ZFP90: variants seen among roughly 807,000 people sequenced by gnomAD.
ZFP90 encodes the protein zinc finger protein 90 homolog.
In ZFP90, 38 loss-of-function variants were observed where a neutral mutation model predicts 60.8. The observed-to-expected ratio is 0.62, with a 90% CI of 0.48 to 0.82. The LOEUF is 0.82. ZFP90 is among the 40% of genes least tolerant of loss of function. The probability of loss-of-function intolerance (pLI) is 0.00; values close to 1 mark genes in which losing one functional copy is unlikely to be tolerated. For missense variants in ZFP90, 711 were observed against 759.1 expected (o/e 0.94, Z 0.74); for synonymous variants, 287 against 264.8 (o/e 1.08, Z -0.82).
At chr16:68,534,686 A>G (rs1447849922), upstream of ZFP90, among the ~76,000 whole-genome samples, 1 of 151,338 alleles carries the variant, frequency 6.6e-6, no homozygotes, top group Non-Finnish European at 1.5e-5. Flanking sequence ...TGGGTGGATC[A>G]CGAGGTCAGG....
chr16:68,543,556 G>T (rs2091090629), intron 2 of ZFP90, among the ~76,000 whole-genome samples: 1 of 112,884 alleles, frequency 8.9e-6, no homozygotes, highest in Non-Finnish European at 1.7e-5. Flanking sequence ...ATCCTTATTT[G>T]CCTTTTTTTC....
chr16:68,539,902 C>T (rs2091008859), intron 2 of ZFP90, 77 bp downstream of exon 2: 9 of 1,534,536 alleles, frequency 5.9e-6, no homozygotes, highest in Admixed American at 1.9e-5. Context: ...TTGGAGCAGT[C>T]ATTGTTCTCT....
At position 68,562,786 on chromosome 16, in the gene ZFP90, A is replaced by C. The variant is rs12929568; in HGVS notation, c.257-258A>C. The C allele has an allele frequency of 7.8e-5, 54 of 695,848 alleles. 1 individual carries two copies. The highest frequency in any genetic ancestry group is 7.0e-4 in the African/African-American group (39 of 55,374). The allele number at this position is 695,848 out of a possible 1,614,324, so 43.1% of individuals were successfully genotyped here. A position where few individuals can be genotyped will look rare whatever the true frequency, so the allele number is the denominator to read the frequency against. ...ATCTGTGCCTAACACAGTCCTGCTCACTTATTTCCTTATTTTCTAACCAAC... is the reference window on the plus strand; with the variant it reads ...ATCTGTGCCTAACACAGTCCTGCTCCCTTATTTCCTTATTTTCTAACCAAC... On this transcript the variant is annotated intron_variant, in intron 4 of 4. Transcript: ENST00000563169.
chr16:68,543,381 C>T (rs1421995318), intron 2 of ZFP90, among the ~76,000 whole-genome samples: 1 of 152,138 alleles, frequency 6.6e-6, no homozygotes, highest in East Asian at 1.9e-4. Flanking sequence ...TGAGTGGGAC[C>T]TTTCCCCTGA....
downstream of ZFP90, chr16:68,567,247 C>A: frequency 1.3e-6 from 1 of 774,396 alleles, no homozygotes; most frequent in Non-Finnish European, 1.6e-6. Context: ...TAATAGCTAC[C>A]ATTTATTGAA....
At chr16:68,537,325 T>G (rs1337678430), upstream of ZFP90, among the ~76,000 whole-genome samples, 1 of 151,866 alleles carries the variant, frequency 6.6e-6, no homozygotes, top group East Asian at 1.9e-4. Context: ...GGGGTTTTAC[T>G]ATGTTGGCCA....
intron 2 of ZFP90, among the ~76,000 whole-genome samples, chr16:68,572,862 T>C (rs2091575273): frequency 6.6e-6 from 1 of 152,162 alleles, no homozygotes; most frequent in Non-Finnish European, 1.5e-5. Flanking sequence ...CCCCCAACTG[T>C]CTGGAGATTT....
chr16:68,566,711 G>T lies in ZFP90; in HGVS notation c.*2013G>T. ...TATCTGATACATAGTTTGACAATGG[G>T]TAATTCTACTCAGACCCTCCCTACT... is the stretch of plus-strand genomic sequence containing the variant. On this transcript the variant is annotated 3_prime_UTR_variant, in exon 5 of 5. Transcript: ENST00000563169. The T allele has an allele frequency of 1.0e-6, 1 of 985,548 alleles. No individual in the cohort carries two copies. Among genetic ancestry groups the T allele is most frequent in the Non-Finnish European group, 1.2e-6 (1 of 829,936 alleles). 61.1% of individuals were successfully genotyped at this position (985,548 alleles called of 1,614,324 possible). A position where few individuals can be genotyped will look rare whatever the true frequency, so the allele number is the denominator to read the frequency against.
At chr16:68,553,325 T>G (rs898829205) in intron 2 of ZFP90, among the ~76,000 whole-genome samples, 4 of 151,714 alleles carry the variant, frequency 2.6e-5, no homozygotes, top group Admixed American at 2.6e-4. Flanking sequence ...AGCCAGTGAG[T>G]GGGGAGCCAC....
Position 68,565,781 on chromosome 16 carries a change from G to A in ZFP90, c.*1083G>A. ...TAAATTTTGCCTTGTACTCAGAGAA[G>A]CAACATGCACTGGCTCATTTTATGT... On this transcript the variant is annotated 3_prime_UTR_variant, in exon 5 of 5. Transcript: ENST00000563169. 3.0e-6 allele frequency: 3 copies of A among 985,440 alleles called. No homozygotes were observed. The highest frequency in any genetic ancestry group is 3.6e-6 in the Non-Finnish European group (3 of 829,920). The allele number at this position is 985,440 out of a possible 1,614,324, so 61.0% of individuals were successfully genotyped here.
chr16:68,554,615 C>T (rs534520014), intron 2 of ZFP90, among the ~76,000 whole-genome samples: 134 of 152,290 alleles, frequency 8.8e-4, no homozygotes, highest in Non-Finnish European at 1.6e-3. Context: ...CTGGTTAGCA[C>T]ATTCTTCACC....
chr16:68,535,181 A>G (rs2090951428), upstream of ZFP90, among the ~76,000 whole-genome samples: 1 of 152,220 alleles, frequency 6.6e-6, no homozygotes, highest in South Asian at 2.1e-4. Context: ...GATGCCTGGA[A>G]GCACTGTTAG....
At chr16:68,555,713 G>T (rs1240558661) in intron 2 of ZFP90, among the ~76,000 whole-genome samples, 3 of 152,174 alleles carry the variant, frequency 2.0e-5, no homozygotes, top group Non-Finnish European at 4.4e-5. Flanking sequence ...TAAAGCACAT[G>T]ATAGGGAGGT....
exon 3 of ZFP90, chr16:68,576,037 A>T: frequency 1.7e-5 from 4 of 241,308 alleles, no homozygotes; most frequent in Non-Finnish European, 2.8e-5. Flanking sequence ...GGAAACATTT[A>T]TTTAAAAAAA....
rs1324155870 is a variant in ZFP90, at chr16:68,539,460, C to T, written c.-55C>T. ...CCGGAGGTCGCGAAATCCGGAGCCC[C>T]CCAGAGGCGGTGATTCTGAGTGCGC... On this transcript the variant is annotated 5_prime_UTR_variant, in exon 1 of 5. Coordinates refer to ENST00000563169, the MANE Select transcript of ZFP90 (RefSeq NM_001305203.2). The T allele has an allele frequency of 5.1e-6, 2 of 394,508 alleles. No individual in the cohort carries two copies. Among genetic ancestry groups the T allele is most frequent in the South Asian group, 7.3e-5 (1 of 13,718 alleles). 24.4% of individuals were successfully genotyped at this position (394,508 alleles called of 1,614,324 possible).
chr16:68,548,474 C>CTTTTTTTTTTTTTTT (rs551779570), intron 2 of ZFP90, among the ~76,000 whole-genome samples: 2 of 81,046 alleles, frequency 2.5e-5, no homozygotes, highest in Non-Finnish European at 4.2e-5. Context: ...GTTTATCCTC[C>CTTTTTTTTTTTTTTT]TTTTTTTTTT....
In ZFP90 at chr16:68,563,738, A is replaced by G; in HGVS notation, c.951A>G (p.Lys317=). The G allele has an allele frequency of 6.2e-7, 1 of 1,612,036 alleles. No homozygotes were observed. Among genetic ancestry groups the G allele is most frequent in the Non-Finnish European group, 8.5e-7 (1 of 1,179,212 alleles). Reference sequence around the variant, plus strand: ...CCTATCAGTGTAGTCTCTGTGGGAAAGCCTTCCAGCGCAGCTCCTCCCTTG... The same window carrying G: ...CCTATCAGTGTAGTCTCTGTGGGAAGGCCTTCCAGCGCAGCTCCTCCCTTG... ...EKPYQCSLCG[K]AFQRSSSLVQ... is the part of the protein sequence containing the mutation. Residue 317 remains lysine (K), a synonymous_variant, in exon 5 of 5, where the codon AAA becomes AAG. Transcript: ENST00000563169.
intron 2 of ZFP90, among the ~76,000 whole-genome samples, chr16:68,573,464 C>G (rs2091578133): frequency 6.6e-6 from 1 of 152,190 alleles, no homozygotes; most frequent in Non-Finnish European, 1.5e-5. Context: ...GGTGACACAG[C>G]AAGACCTGTC....
At chr16:68,555,573 GTGT>G (rs1950973518) in intron 2 of ZFP90, among the ~76,000 whole-genome samples, 1 of 152,192 alleles carries the variant, frequency 6.6e-6, no homozygotes, top group South Asian at 2.1e-4. Flanking sequence ...CTGGACAATG[GTGT>G]TGTAGAATTT....
Sources: gnomAD v4.1 joint callset for allele counts (sites outside exome capture counted in the v4.1 genomes callset) on GRCh38, gnomAD v4.1.1 for gene constraint, MANE v1.5 for transcripts, NCBI Gene and HGNC (gene_info 2026-07-23, HGNC 2026-07-21) for gene names.